SORCS1: variants seen among roughly 807,000 people sequenced by gnomAD.
SORCS1 encodes sortilin related VPS10 domain containing receptor 1.
SORCS1 carries 60 observed loss-of-function variants against 146.1 expected under a neutral mutation model. That is an observed-to-expected ratio of 0.41 (90% confidence interval 0.33 to 0.51). The LOEUF (loss-of-function observed/expected upper bound fraction) is 0.51, where lower values mean the gene tolerates loss of function less well. Ranked by LOEUF, SORCS1 falls within the 20% of genes least tolerant of loss-of-function variation. SORCS1 has a pLI of 0.21. For missense variants in SORCS1, 1,352 were observed against 1,487.6 expected (o/e 0.91, Z 1.50); for synonymous variants, 637 against 584.0 (o/e 1.09, Z -1.31).
rs538067225 is a variant in SORCS1 at position 107,149,907 on chromosome 10, T to C, written c.558+14062A>G. ...ATTAAAAACAGGCACTAATGACCTT[T>C]TCTCCTACCCCGCCCTATTCTGTCT... On this transcript the variant is annotated intron_variant, in intron 1 of 25. Transcript: ENST00000263054. Among the ~76,000 whole-genome samples, 14 of 152,344 alleles carry C rather than the reference T, an allele frequency of 9.2e-5. No homozygotes were observed. The South Asian group carries it at 2.9e-3, about 32-fold the overall frequency.
chr10:106,956,376 G>A, intron 2 of SORCS1, 137 bp downstream of exon 2: 1 of 724,484 alleles, frequency 1.4e-6, no homozygotes, highest in Non-Finnish European at 2.3e-6. Flanking sequence ...ATCACTAAAG[G>A]AAACAGAGAA....
At chr10:106,856,345 T>C (rs1429207059) in intron 2 of SORCS1, among the ~76,000 whole-genome samples, 1 of 152,212 alleles carries the variant, frequency 6.6e-6, no homozygotes, top group East Asian at 1.9e-4. Flanking sequence ...AAACATTCTT[T>C]AGTTCTATGA....
chr10:107,019,254 T>C (rs1467248166), intron 1 of SORCS1, among the ~76,000 whole-genome samples: 1 of 152,212 alleles, frequency 6.6e-6, no homozygotes, highest in East Asian at 1.9e-4. Flanking sequence ...GTCATAAACA[T>C]TGCTTTTCAA....
intron 2 of SORCS1, among the ~76,000 whole-genome samples, chr10:106,907,714 G>A (rs924100681): frequency 2.6e-5 from 4 of 152,062 alleles, no homozygotes; most frequent in Admixed American, 6.6e-5. Flanking sequence ...ATCACCTGAA[G>A]TCAGGAGTTT....
intron 1 of SORCS1, among the ~76,000 whole-genome samples, chr10:106,972,312 C>A (rs1399649297): frequency 1.4e-5 from 2 of 146,896 alleles, no homozygotes; most frequent in African/African-American, 5.1e-5. Flanking sequence ...ACCTAGGAGG[C>A]AGAGGTTGCA....
intron 19 of SORCS1, among the ~76,000 whole-genome samples, chr10:106,625,635 G>A (rs550326557): frequency 2.6e-5 from 4 of 152,234 alleles, no homozygotes; most frequent in South Asian, 2.1e-4. Context: ...GAAAAACTAC[G>A]TGGGTTTTCA....
At chr10:107,015,405 A>G (rs2139786413) in intron 1 of SORCS1, among the ~76,000 whole-genome samples, 1 of 152,254 alleles carries the variant, frequency 6.6e-6, no homozygotes, top group Non-Finnish European at 1.5e-5. Context: ...TTTCATTCAG[A>G]AGGTGGTATT....
intron 18 of SORCS1, among the ~76,000 whole-genome samples, chr10:106,634,459 G>T (rs1040608960): frequency 1.3e-4 from 20 of 152,174 alleles, no homozygotes; most frequent in Admixed American, 9.2e-4. Flanking sequence ...AGCACAGAGG[G>T]GTTAAGATGC....
At chr10:106,674,328 CAAAAAAAAAAA>C (rs10658432) in intron 14 of SORCS1, among the ~76,000 whole-genome samples, 14 of 27,372 alleles carry the variant, frequency 5.1e-4, no homozygotes, top group South Asian at 2.7e-3. Flanking sequence ...GACTCCGTCT[CAAAAAAAAAAA>C]AAAAAAAAAA....
At chr10:106,895,722 T>C (rs374497654) in intron 2 of SORCS1, among the ~76,000 whole-genome samples, 1 of 152,212 alleles carries the variant, frequency 6.6e-6, no homozygotes. Context: ...GAAAATGGTA[T>C]GGAGGTTCCT....
chr10:106,621,198 A>C (rs375171396), intron 19 of SORCS1, among the ~76,000 whole-genome samples: 1 of 152,124 alleles, frequency 6.6e-6, no homozygotes, highest in Non-Finnish European at 1.5e-5. Context: ...ATATAGAATG[A>C]TTTTATCTAC....
chr10:107,140,980 C>A (rs569745427), intron 1 of SORCS1, among the ~76,000 whole-genome samples: 1 of 152,270 alleles, frequency 6.6e-6, no homozygotes, highest in Non-Finnish European at 1.5e-5. Flanking sequence ...TGTTTTGAAC[C>A]CTTTATGAAA....
chr10:107,114,864 T>C (rs1590170827), intron 1 of SORCS1, among the ~76,000 whole-genome samples: 1 of 152,188 alleles, frequency 6.6e-6, no homozygotes, highest in East Asian at 1.9e-4. Context: ...TTAAACATTC[T>C]ACCAAAAACC....
At position 106,701,593 on chromosome 10, in the gene SORCS1, C is replaced by T. The variant is rs138563668; in HGVS notation, c.1234-2200G>A. On this transcript the variant is annotated intron_variant, in intron 8 of 25. Transcript: ENST00000263054. ...CCAATCCTGATGAAAACAGGCTCAG[C>T]GGATGGAGAGAGATGGCCCAATCCT... is the stretch of plus-strand genomic sequence containing the variant. Among the ~76,000 whole-genome samples, 310 of 152,246 alleles carry T rather than the reference C, an allele frequency of 2.0e-3. 3 individuals are homozygous for T. The highest frequency in any genetic ancestry group is 7.0e-3 in the African/African-American group (291 of 41,552).
intron 1 of SORCS1, among the ~76,000 whole-genome samples, chr10:107,053,592 C>A (rs895467522): frequency 8.5e-5 from 13 of 152,066 alleles, no homozygotes; most frequent in Admixed American, 3.3e-4. Flanking sequence ...TGAAGAGTTA[C>A]AATATTTGAA....
Position 106,736,269 on chromosome 10 carries a change from G to A in SORCS1, c.960-6155C>T, listed in dbSNP as rs142391494. On this transcript the variant is annotated intron_variant, in intron 5 of 25. Transcript: ENST00000263054. ...ACAAAATGTCCTGATGTAGATAACC[G>A]CAGAGCAAGTATTACAAAATAAATA... is the stretch of plus-strand genomic sequence containing the variant. 3.8e-4 allele frequency among the ~76,000 whole-genome samples: 58 copies of A among 152,254 alleles called. No individual in the cohort carries two copies. The East Asian group carries it at 8.5e-3, about 22-fold the overall frequency.
intron 10 of SORCS1, among the ~76,000 whole-genome samples, chr10:106,687,515 T>C (rs1310052442): frequency 6.6e-6 from 1 of 152,166 alleles, no homozygotes; most frequent in Non-Finnish European, 1.5e-5. Flanking sequence ...GACTACTCAA[T>C]TCTGCCTTTG....
intron 3 of SORCS1, among the ~76,000 whole-genome samples, chr10:106,792,400 C>A (rs1946358536): frequency 6.6e-6 from 1 of 152,206 alleles, no homozygotes; most frequent in Non-Finnish European, 1.5e-5. Flanking sequence ...TGTTAAACTG[C>A]TATTTCAAAA....
At chr10:106,604,286 C>T (rs1589451038) in intron 23 of SORCS1, among the ~76,000 whole-genome samples, 1 of 152,102 alleles carries the variant, frequency 6.6e-6, no homozygotes, top group Non-Finnish European at 1.5e-5. Context: ...TTTATTTTTA[C>T]CCATAAAGTT....
Sources: allele counts gnomAD v4.1 joint callset (sites outside exome capture counted in the v4.1 genomes callset), GRCh38; gene constraint gnomAD v4.1.1; transcripts MANE v1.5; gene names NCBI Gene and HGNC (gene_info 2026-07-23, HGNC 2026-07-21).